The following MERTK variants were observed in gnomAD, a reference collection of about 807,000 sequenced individuals.
The protein encoded by MERTK is MER proto-oncogene, tyrosine kinase, also known as tyrosine-protein kinase Mer.
A neutral mutation model predicts 99.3 loss-of-function variants in MERTK; 69 were observed. That is an observed-to-expected ratio of 0.70 (90% CI 0.57 to 0.85). The LOEUF (loss-of-function observed/expected upper bound fraction) is 0.85. Ranked by LOEUF, MERTK falls within the 40% of genes least tolerant of loss-of-function variation. The pLI is 0.00. For missense variants in MERTK, 1,125 were observed against 1,249.4 expected, an observed-to-expected ratio of 0.90 and a Z score of 1.50; for synonymous variants, 426 against 467.6, an observed-to-expected ratio of 0.91 and a Z score of 1.15.
intron 2 of MERTK, among the ~76,000 whole-genome samples, chr2:111,935,348 G>A (rs540503419): frequency 6.6e-6 from 1 of 152,136 alleles, no homozygotes; most frequent in Non-Finnish European, 1.5e-5. Flanking sequence ...CGTCAGGTGC[G>A]GCAGCGCTAA....
At chr2:111,994,628 A>G (rs993079700) in intron 9 of MERTK, 2 of 575,112 alleles carry the variant, frequency 3.5e-6, no homozygotes, top group African/African-American at 3.7e-5. Flanking sequence ...GTATTTTTAA[A>G]ATTTGCTGGG....
chr2:112,003,963 G>A lies in MERTK; in HGVS notation c.1846G>A (p.Val616Met). 2 of 1,613,518 alleles carry A rather than the reference G, an allele frequency of 1.2e-6. No homozygotes were observed. The highest frequency in any genetic ancestry group is 1.7e-6 in the Non-Finnish European group (2 of 1,179,502). Reference protein sequence around the residue: ...LKQEDGTSLKVAVKTMKLDNS... With the variant: ...LKQEDGTSLKMAVKTMKLDNS... ...GCAGGAAGATGGGACCTCTCTGAAA[G>A]TGGCAGTGAAGACCATGAAGTGTGA... The change falls in exon 13 of 19, where the codon GTG becomes ATG. Residue 616 changes from valine (V) to methionine (M), a missense_variant. Transcript: ENST00000295408.
At chr2:112,025,880 C>T (rs1361128951) in intron 18 of MERTK, among the ~76,000 whole-genome samples, 1 of 152,148 alleles carries the variant, frequency 6.6e-6, no homozygotes, top group East Asian at 1.9e-4. Context: ...TGTTGTATAA[C>T]CATCACCACC....
At chr2:111,913,493 A>G (rs1184455751) in intron 1 of MERTK, among the ~76,000 whole-genome samples, 1 of 152,228 alleles carries the variant, frequency 6.6e-6, no homozygotes, top group Non-Finnish European at 1.5e-5. Flanking sequence ...TGATAAAATA[A>G]CTTATTTGTT....
At chr2:111,905,779 A>T (rs1425880482) in intron 1 of MERTK, among the ~76,000 whole-genome samples, 1 of 152,060 alleles carries the variant, frequency 6.6e-6, no homozygotes, top group Non-Finnish European at 1.5e-5. Flanking sequence ...AGAAACCTAC[A>T]CTCAATTCTA....
At chr2:111,945,119 A>T (rs1684941866) in intron 3 of MERTK, 59 bp downstream of exon 3, 1 of 1,344,692 alleles carries the variant, frequency 7.4e-7, no homozygotes, top group African/African-American at 1.4e-5. Context: ...GGCCTGTGTT[A>T]AATGTTTTGT....
chr2:112,013,222 G>A (rs57116599), intron 15 of MERTK: 35,578 of 153,990 alleles, frequency 0.23, 4,356 homozygotes, highest in South Asian at 0.35. Flanking sequence ...GGCTGCAGCT[G>A]CATCACACAG....
Position 111,994,322 on chromosome 2 carries a change from G to T in MERTK, c.1368G>T (p.Thr456=), listed in dbSNP as rs374043440. ...ARISVQVHNA[T]CTVRIAAVTR... is the part of the protein sequence containing the mutation. ...TCTCTGTTCAAGTCCACAATGCTAC[G>T]TGCACAGTGAGGATTGCAGCCGTCA... Residue 456 remains threonine, a synonymous_variant, in exon 9 of 19, where the codon ACG becomes ACT. Coordinates refer to ENST00000295408, the MANE Select transcript of MERTK (RefSeq NM_006343.3). 3.7e-6 allele frequency: 6 copies of T among 1,614,146 alleles called. No homozygotes were observed. The highest frequency in any genetic ancestry group is 4.5e-5 in the East Asian group (2 of 44,880).
At chr2:111,949,281 A>G (rs780433747) in intron 4 of MERTK, among the ~76,000 whole-genome samples, 1 of 152,110 alleles carries the variant, frequency 6.6e-6, no homozygotes, top group Non-Finnish European at 1.5e-5. Flanking sequence ...CAGTAAGGAC[A>G]AGAGCTTTGT....
At position 112,028,817 on chromosome 2, in the gene MERTK, CT is replaced by C. The variant is rs763144375; in HGVS notation, c.2957del (p.Leu986CysfsTer13). ...LPLGSSLPDE[L>X]LFADDSSEGS... ...CTTGGGAAGCTCATTGCCCGATGAA[CT>C]TTTGTTTGCTGACGACTCCTCAGAA... On this transcript the variant is annotated frameshift_variant, in exon 19 of 19. Coordinates refer to ENST00000295408, the MANE Select transcript of MERTK (RefSeq NM_006343.3). LOFTEE classifies it high-confidence loss of function. 6 of 1,614,052 alleles carry C rather than the reference CT, an allele frequency of 3.7e-6. No homozygotes were observed. The highest frequency in any genetic ancestry group is 5.1e-6 in the Non-Finnish European group (6 of 1,180,030).
chr2:111,981,634 T>A (rs1204349325), intron 7 of MERTK, among the ~76,000 whole-genome samples: 2 of 152,188 alleles, frequency 1.3e-5, no homozygotes, highest in African/African-American at 2.4e-5. Context: ...GAGAGCATAT[T>A]ATTTTCAATT....
chr2:111,902,057 G>A (rs956067850), intron 1 of MERTK, among the ~76,000 whole-genome samples: 10 of 151,894 alleles, frequency 6.6e-5, no homozygotes, highest in African/African-American at 2.4e-4. Flanking sequence ...GGCTAATTTT[G>A]TATTTTTGGT....
chr2:111,947,770 G>A (rs1445970204), intron 4 of MERTK, among the ~76,000 whole-genome samples: 1 of 152,156 alleles, frequency 6.6e-6, no homozygotes, highest in East Asian at 1.9e-4. Flanking sequence ...GGGGAAACAG[G>A]TGAGGGCCTC....
chr2:111,925,292 A>ATTTTTTTTTTTTTT (rs11433691), intron 1 of MERTK, among the ~76,000 whole-genome samples: 2 of 24,498 alleles, frequency 8.2e-5, no homozygotes, highest in Non-Finnish European at 1.5e-4. Flanking sequence ...ATATATATAT[A>ATTTTTTTTTTTTTT]TTTTTTTTTT....
intron 7 of MERTK, among the ~76,000 whole-genome samples, chr2:111,980,412 C>CTTTTTTT (rs34831521): frequency 1.4e-3 from 144 of 100,944 alleles, no homozygotes; most frequent in Middle Eastern, 8.5e-3. Flanking sequence ...GCAACTATTT[C>CTTTTTTT]TTTTTTTTTT....
At chr2:112,015,788 T>A (rs1677204883) in intron 15 of MERTK, 1 of 154,302 alleles carries the variant, frequency 6.5e-6, no homozygotes, top group African/African-American at 2.4e-5. Context: ...TTCTAAAGAT[T>A]ATGTTCTTTT....
At chr2:111,997,067 T>C (rs1026477195) in intron 9 of MERTK, 1 of 551,634 alleles carries the variant, frequency 1.8e-6, no homozygotes, top group African/African-American at 1.9e-5. Context: ...TGAAAAATTG[T>C]ATATACCTGT....
At chr2:111,923,184 C>T (rs1410094013) in intron 1 of MERTK, among the ~76,000 whole-genome samples, 2 of 152,178 alleles carry the variant, frequency 1.3e-5, no homozygotes, top group East Asian at 3.8e-4. Context: ...ATGATGCCAC[C>T]TCCAGCCTTC....
intron 1 of MERTK, among the ~76,000 whole-genome samples, chr2:111,900,330 C>T (rs79688911): frequency 0.23 from 34,991 of 152,102 alleles, 4,342 homozygotes; most frequent in Middle Eastern, 0.37. Flanking sequence ...ACTTTAAGAG[C>T]CAGGCAAAGA....
Sources: gnomAD v4.1 joint callset for allele counts (sites outside exome capture counted in the v4.1 genomes callset) on GRCh38, gnomAD v4.1.1 for gene constraint, MANE v1.5 for transcripts, NCBI Gene and HGNC (gene_info 2026-07-23, HGNC 2026-07-21) for gene names.